The following MREG variants were observed in gnomAD, a reference collection of about 807,000 sequenced individuals.
MREG encodes dilute suppressor protein homolog.
MREG carries 31 observed loss-of-function variants against 28.5 expected under a neutral mutation model. The observed-to-expected ratio is 1.09, with a 90% CI of 0.82 to 1.47. The LOEUF (loss-of-function observed/expected upper bound fraction) is 1.47. MREG is among the 40% of genes most tolerant of loss of function. MREG has a pLI of 0.00. For synonymous variants in MREG, 106 were observed against 95.2 expected, an observed-to-expected ratio of 1.11 and a Z score of -0.66; for missense variants, 256 against 257.4, an observed-to-expected ratio of 0.99 and a Z score of 0.04.
At chr2:215,950,855 G>A (rs1319187390) in intron 2 of MREG, among the ~76,000 whole-genome samples, 1 of 152,184 alleles carries the variant, frequency 6.6e-6, no homozygotes, top group Admixed American at 6.5e-5. Context: ...ATCCCCATGT[G>A]TTGAAGGAGG....
chr2:215,999,810 G>C (rs1024408250), intron 1 of MREG, among the ~76,000 whole-genome samples: 3 of 152,196 alleles, frequency 2.0e-5, no homozygotes, highest in Non-Finnish European at 2.9e-5. Context: ...CGGCTGACAT[G>C]ATGAGCCTGC....
At chr2:215,954,869 A>G (rs552269044) in intron 2 of MREG, among the ~76,000 whole-genome samples, 1 of 152,178 alleles carries the variant, frequency 6.6e-6, no homozygotes, top group African/African-American at 2.4e-5. Context: ...ATGCCCAGCT[A>G]ATTTTGTATT....
intron 1 of MREG, among the ~76,000 whole-genome samples, chr2:216,007,877 G>A (rs1370090790): frequency 1.3e-5 from 2 of 152,026 alleles, no homozygotes; most frequent in African/African-American, 4.8e-5. Context: ...TTGGCCATGA[G>A]TTCAATGTTG....
chr2:215,945,580 G>A lies in MREG; in HGVS notation c.501C>T (p.Leu167=). Residue 167 remains leucine, a synonymous_variant, in exon 4 of 5, where the codon CTC becomes CTT. Coordinates refer to ENST00000263268, the MANE Select transcript of MREG (RefSeq NM_018000.3). The stretch of plus-strand genomic sequence containing the variant: ...AAAAGCATCCACTTACCACAACAAA[G>A]AGATATCTCTCTGAGAGCTCCCAAC... ...PTSWELSERY[L]FVVDRLIALD... 1 of 1,612,866 alleles carries A rather than the reference G, an allele frequency of 6.2e-7. No individual in the cohort carries two copies. Among genetic ancestry groups the A allele is most frequent in the Non-Finnish European group, 8.5e-7 (1 of 1,179,570 alleles).
chr2:215,950,279 G>A (rs761518391), intron 2 of MREG, among the ~76,000 whole-genome samples: 1 of 152,148 alleles, frequency 6.6e-6, no homozygotes, highest in Non-Finnish European at 1.5e-5. Context: ...TTCATCATTG[G>A]ATCATCCAGG....
intron 1 of MREG, among the ~76,000 whole-genome samples, chr2:216,024,869 C>A (rs1574662362): frequency 1.7e-5 from 2 of 117,308 alleles, no homozygotes; most frequent in African/African-American, 3.3e-5. Flanking sequence ...GGCGACGGAG[C>A]AAGACTCTGT....
At chr2:216,026,515 C>G (rs1694596654) in intron 1 of MREG, among the ~76,000 whole-genome samples, 1 of 152,052 alleles carries the variant, frequency 6.6e-6, no homozygotes, top group Non-Finnish European at 1.5e-5. Flanking sequence ...CATGCGCCAC[C>G]ATGCCCAGCT....
chr2:216,032,780 G>A (rs2105936772), intron 1 of MREG: 1 of 152,316 alleles, frequency 6.6e-6, no homozygotes, highest in Admixed American at 6.5e-5. Context: ...TAGTTTTGAT[G>A]TAGCATACCT....
At chr2:215,962,466 C>T (rs969494580) in intron 2 of MREG, among the ~76,000 whole-genome samples, 2 of 152,272 alleles carry the variant, frequency 1.3e-5, no homozygotes, top group East Asian at 3.8e-4. Flanking sequence ...GAACCACCTC[C>T]GAGTTCTGGG....
intron 1 of MREG, among the ~76,000 whole-genome samples, chr2:216,019,881 T>A (rs1694497171): frequency 6.6e-6 from 1 of 152,192 alleles, no homozygotes; most frequent in Non-Finnish European, 1.5e-5. Flanking sequence ...ACCTTAATAG[T>A]CATAGTCTTT....
chr2:215,959,179 A>G (rs909562125), intron 2 of MREG, among the ~76,000 whole-genome samples: 1 of 151,756 alleles, frequency 6.6e-6, no homozygotes, highest in African/African-American at 2.4e-5. Context: ...ATTTCCCCTA[A>G]TGCCTCAATT....
chr2:216,002,746 T>C (rs1267944595), intron 1 of MREG, among the ~76,000 whole-genome samples: 2 of 152,082 alleles, frequency 1.3e-5, no homozygotes, highest in Non-Finnish European at 2.9e-5. Flanking sequence ...TCCCTCTCCA[T>C]CCTCGCCTTG....
chr2:215,961,889 T>G (rs1397575659), intron 2 of MREG, among the ~76,000 whole-genome samples: 1 of 152,112 alleles, frequency 6.6e-6, no homozygotes, highest in Non-Finnish European at 1.5e-5. Flanking sequence ...CTTAAAAGAT[T>G]AATAAAGTGA....
chr2:216,028,589 T>A (rs1445058822), intron 1 of MREG, among the ~76,000 whole-genome samples: 4 of 144,214 alleles, frequency 2.8e-5, no homozygotes, highest in African/African-American at 5.2e-5. Flanking sequence ...ATGGAAAAAA[T>A]TCCATTTGAT....
chr2:216,011,368 T>A (rs1176909855), intron 1 of MREG, among the ~76,000 whole-genome samples: 1 of 152,196 alleles, frequency 6.6e-6, no homozygotes, highest in Non-Finnish European at 1.5e-5. Flanking sequence ...AGTCCACTCA[T>A]ACCCACATGC....
intron 1 of MREG, among the ~76,000 whole-genome samples, chr2:216,030,973 C>G (rs1694678972): frequency 6.6e-6 from 1 of 151,556 alleles, no homozygotes; most frequent in South Asian, 2.1e-4. Context: ...CACACACACA[C>G]ACACACACAC....
intron 1 of MREG, among the ~76,000 whole-genome samples, chr2:216,022,499 G>A (rs546802267): frequency 3.9e-5 from 6 of 152,110 alleles, no homozygotes; most frequent in South Asian, 2.1e-4. Flanking sequence ...ATACTGCTAC[G>A]TCTAACAATA....
intron 2 of MREG, among the ~76,000 whole-genome samples, chr2:215,954,451 CACACACA>C (rs1190215006): frequency 6.8e-6 from 1 of 147,684 alleles, no homozygotes. Context: ...GTACAACACA[CACACACA>C]CACACACACA....
downstream of MREG, among the ~76,000 whole-genome samples, chr2:215,940,490 T>C (rs1023406562): frequency 6.6e-6 from 1 of 152,242 alleles, no homozygotes. Context: ...CTGCTACCAC[T>C]GCAGTTCTTT....
Sources: gnomAD v4.1 joint callset for allele counts (sites outside exome capture counted in the v4.1 genomes callset) on GRCh38, gnomAD v4.1.1 for gene constraint, MANE v1.5 for transcripts, NCBI Gene and HGNC (gene_info 2026-07-23, HGNC 2026-07-21) for gene names.